CCSER2: variants seen among roughly 807,000 people sequenced by gnomAD.
CCSER2 encodes coiled-coil serine rich protein 2.
Under a neutral mutation model 92.3 loss-of-function variants are expected in CCSER2, and 46 were observed. That is an observed-to-expected ratio of 0.50 (90% CI 0.39 to 0.64). The LOEUF (loss-of-function observed/expected upper bound fraction) is 0.64. CCSER2 is among the 30% of genes least tolerant of loss of function. The pLI is 0.00. For missense variants in CCSER2, 1,244 were observed against 1,238.9 expected (o/e 1.00, Z -0.06); for synonymous variants, 433 against 431.4 (o/e 1.00, Z -0.04).
In CCSER2 at chr10:84,483,953, T is replaced by TTATATA. The variant is rs57427963; in HGVS notation, c.2325+6328_2325+6333dup. Among the ~76,000 whole-genome samples the TTATATA allele has an allele frequency of 2.9e-3, 140 of 47,930 alleles. 1 individual carries two copies. The highest frequency in any genetic ancestry group is 0.012 in the East Asian group (12 of 1,000). 31.4% of individuals were successfully genotyped at this position (47,930 alleles called of 152,430 possible). On this transcript the variant is annotated intron_variant, in intron 9 of 9. Transcript: ENST00000372088. ...GTGCATCCCACCACACCCGGCTAAT[T>TTATATA]TATATATATATATATATATATATAT...
At chr10:84,436,778 G>A (rs1464030891) in intron 5 of CCSER2, among the ~76,000 whole-genome samples, 1 of 152,064 alleles carries the variant, frequency 6.6e-6, no homozygotes, top group Non-Finnish European at 1.5e-5. Context: ...CTTTTTCTTG[G>A]GTTAAAAGAA....
Position 84,445,397 on chromosome 10 carries a change from C to T in CCSER2, c.2064+6690C>T, listed in dbSNP as rs543111307. ...CTCGATCTCCTGACCTTGTGATCCA[C>T]CCGCCTTGGCCTCCCAAAGTGCTGG... On this transcript the variant is annotated intron_variant, in intron 6 of 9. Transcript: ENST00000372088. Among the ~76,000 whole-genome samples, 15 of 152,342 alleles carry T rather than the reference C, an allele frequency of 9.8e-5. No individual in the cohort carries two copies. In the South Asian group the frequency reaches 2.9e-3, roughly 29 times the overall value.
At chr10:84,468,340 C>T (rs1270082954) in intron 7 of CCSER2, among the ~76,000 whole-genome samples, 2 of 152,090 alleles carry the variant, frequency 1.3e-5, no homozygotes, top group African/African-American at 2.4e-5. Flanking sequence ...AATCAGTGTT[C>T]CCAATGCAAA....
chr10:84,475,826 A>G (rs1286138757), intron 8 of CCSER2, among the ~76,000 whole-genome samples: 1 of 152,072 alleles, frequency 6.6e-6, no homozygotes. Flanking sequence ...ACTTGATTAT[A>G]TATTGAATTT....
chr10:84,399,521 C>G (rs1457585732), intron 3 of CCSER2, among the ~76,000 whole-genome samples: 2 of 152,164 alleles, frequency 1.3e-5, no homozygotes, highest in East Asian at 1.9e-4. Flanking sequence ...GAGTGTTAGT[C>G]TGGATTTATT....
chr10:84,378,284 G>T (rs1471218489), intron 3 of CCSER2, among the ~76,000 whole-genome samples: 1 of 151,926 alleles, frequency 6.6e-6, no homozygotes, highest in Non-Finnish European at 1.5e-5. Flanking sequence ...TTGTGTTAGT[G>T]TGGTAGATTG....
chr10:84,447,597 G>C (rs1236559024), intron 6 of CCSER2, among the ~76,000 whole-genome samples: 1 of 152,044 alleles, frequency 6.6e-6, no homozygotes, highest in South Asian at 2.1e-4. Context: ...AGAAATCCTT[G>C]TTTGAAAATC....
chr10:84,402,265 G>A (rs1393816986), intron 3 of CCSER2, among the ~76,000 whole-genome samples: 1 of 152,144 alleles, frequency 6.6e-6, no homozygotes, highest in Non-Finnish European at 1.5e-5. Flanking sequence ...TTTTGTCTGG[G>A]CCTCTGGTGG....
Position 84,422,053 on chromosome 10 carries a change from G to C in CCSER2, c.1706-3678G>C, listed in dbSNP as rs563447344. ...GAAAAGAGAGTGAGTGACCTTTCTA[G>C]GTTTTAGGGCTTCCTTTGAGGGAGA... is the stretch of plus-strand genomic sequence containing the variant. On this transcript the variant is annotated intron_variant, in intron 4 of 9. Transcript: ENST00000372088. 1.1e-4 allele frequency among the ~76,000 whole-genome samples: 16 copies of C among 152,292 alleles called. No homozygotes were observed. The East Asian group carries it at 3.1e-3, about 29-fold the overall frequency.
intron 3 of CCSER2, among the ~76,000 whole-genome samples, chr10:84,417,227 G>A (rs1190262174): frequency 6.6e-6 from 1 of 152,218 alleles, no homozygotes; most frequent in East Asian, 1.9e-4. Context: ...GACTGCATAT[G>A]CTAGGTTGAA....
rs184109906 is a variant in CCSER2 at position 84,443,095 on chromosome 10, A to G, written c.2064+4388A>G. Among the ~76,000 whole-genome samples the G allele has an allele frequency of 2.4e-3, 361 of 152,328 alleles. 2 individuals carry two copies. Among genetic ancestry groups the G allele is most frequent in the Admixed American group, 5.6e-3 (85 of 15,302 alleles). On this transcript the variant is annotated intron_variant, in intron 6 of 9. Transcript: ENST00000372088. ...TCAGGACATAGACATGGGCAAAGAC[A>G]TCACGACTAAAACACCAAAAGCGAT...
At chr10:84,406,712 T>C (rs763117650) in intron 3 of CCSER2, among the ~76,000 whole-genome samples, 10 of 152,224 alleles carry the variant, frequency 6.6e-5, no homozygotes, top group Non-Finnish European at 1.3e-4. Flanking sequence ...TATATGGATG[T>C]TGGCTCCCAA....
At chr10:84,355,989 G>C (rs1845147622) in intron 1 of CCSER2, among the ~76,000 whole-genome samples, 1 of 151,246 alleles carries the variant, frequency 6.6e-6, no homozygotes, top group Non-Finnish European at 1.5e-5. Context: ...TGTAATCACA[G>C]TTACTTGGGA....
intron 9 of CCSER2, among the ~76,000 whole-genome samples, chr10:84,510,223 T>C (rs1257466769): frequency 6.6e-6 from 1 of 152,244 alleles, no homozygotes; most frequent in Non-Finnish European, 1.5e-5. Flanking sequence ...GTGTTTGGCA[T>C]GTACTAGCTC....
intron 3 of CCSER2, among the ~76,000 whole-genome samples, chr10:84,405,888 A>G (rs1842351458): frequency 6.6e-6 from 1 of 152,182 alleles, no homozygotes; most frequent in South Asian, 2.1e-4. Flanking sequence ...ATGACCTAGC[A>G]GTTTCTTGAG....
intron 6 of CCSER2, among the ~76,000 whole-genome samples, chr10:84,446,084 T>C (rs1268375975): frequency 6.6e-6 from 1 of 152,214 alleles, no homozygotes; most frequent in African/African-American, 2.4e-5. Context: ...TTTCTTTTCA[T>C]TATTTTTTGT....
intron 3 of CCSER2, among the ~76,000 whole-genome samples, chr10:84,396,424 G>T (rs1352427007): frequency 6.6e-6 from 1 of 151,138 alleles, no homozygotes; most frequent in Non-Finnish European, 1.5e-5. Flanking sequence ...AATACAATAA[G>T]TACTGTTTTC....
At chr10:84,435,465 C>T (rs1844049404) in intron 5 of CCSER2, among the ~76,000 whole-genome samples, 2 of 152,090 alleles carry the variant, frequency 1.3e-5, no homozygotes, top group South Asian at 4.1e-4. Flanking sequence ...TTCTAATGCT[C>T]TCTCACTTGA....
At chr10:84,441,734 A>ATTTTTTTTTTTTTTTTTTTTTTTTTTT (rs1564667385) in intron 6 of CCSER2, among the ~76,000 whole-genome samples, 3 of 106,410 alleles carry the variant, frequency 2.8e-5, no homozygotes, top group Admixed American at 1.1e-4. Context: ...GACTGGGAAA[A>ATTTTTTTTTTTTTTTTTTTTTTTTTTT]TGTTTTTTTT....
Sources: gnomAD v4.1 joint callset for allele counts (sites outside exome capture counted in the v4.1 genomes callset) on GRCh38, gnomAD v4.1.1 for gene constraint, MANE v1.5 for transcripts, NCBI Gene and HGNC (gene_info 2026-07-23, HGNC 2026-07-21) for gene names.